FARS2: variants seen among roughly 807,000 people sequenced by gnomAD.
FARS2 encodes phenylalanyl-tRNA synthetase 2, mitochondrial.
In FARS2, 40 loss-of-function variants were observed where a neutral mutation model predicts 46.4. That is an observed-to-expected ratio of 0.86 (90% CI 0.67 to 1.12). The LOEUF (loss-of-function observed/expected upper bound fraction) is 1.12. Ranked by LOEUF, FARS2 falls within the 50% of genes most tolerant of loss-of-function variation. The pLI, the probability that FARS2 is intolerant of heterozygous loss-of-function variation, is 0.00. For synonymous variants in FARS2, 234 were observed against 214.9 expected, an observed-to-expected ratio of 1.09 and a Z score of -0.78; for missense variants, 513 against 567.9, an observed-to-expected ratio of 0.90 and a Z score of 0.98.
At chr6:5,403,709 A>T (rs1761394342) in intron 2 of FARS2, among the ~76,000 whole-genome samples, 1 of 151,996 alleles carries the variant, frequency 6.6e-6, no homozygotes, top group Non-Finnish European at 1.5e-5. Flanking sequence ...CTTTTATTAA[A>T]ACATTTTTTA....
In FARS2 at chr6:5,545,250, C is replaced by A. The variant is rs1243249874; in HGVS notation, c.975C>A (p.Asp325Glu). 6.2e-7 allele frequency: 1 copy of A among 1,614,090 alleles called. No individual in the cohort carries two copies. Among genetic ancestry groups the A allele is most frequent in the Non-Finnish European group, 8.5e-7 (1 of 1,179,918 alleles). The change falls in exon 5 of 7, where the codon GAC becomes GAA. Residue 325 changes from aspartate (D) to glutamate (E), a missense_variant. Asp to Glu is a conservative substitution (Grantham distance 45). Transcript: ENST00000274680. The part of the protein sequence containing the change: ...GLERLAMILY[D>E]IPDIRLFWCE... Reference sequence around the variant, plus strand: ...AAAGGCTAGCCATGATCCTCTACGACATCCCTGATATCCGTCTCTTCTGGT... The same window carrying A: ...AAAGGCTAGCCATGATCCTCTACGAAATCCCTGATATCCGTCTCTTCTGGT...
rs1040916807 is a variant in FARS2, at chr6:5,561,067, GT to G, written c.1065+15729del. ...AGTTGCTTGAACCCAGGTGGTAGAA[GT>G]TGCAGTGAGCCGAGATCATGCCACT... On this transcript the variant is annotated intron_variant, in intron 5 of 6. Transcript: ENST00000274680. 3.9e-5 allele frequency among the ~76,000 whole-genome samples: 6 copies of G among 152,130 alleles called. 1 individual carries two copies. Among genetic ancestry groups the G allele is most frequent in the African/African-American group, 1.4e-4 (6 of 41,384 alleles).
At chr6:5,283,865 A>G (rs1312656188) in intron 1 of FARS2, among the ~76,000 whole-genome samples, 1 of 152,208 alleles carries the variant, frequency 6.6e-6, no homozygotes, top group Non-Finnish European at 1.5e-5. Context: ...CAGCTTTTAC[A>G]AATTGTTTAG....
chr6:5,468,192 C>G (rs558433988), intron 4 of FARS2, among the ~76,000 whole-genome samples: 29 of 152,208 alleles, frequency 1.9e-4, no homozygotes, highest in Admixed American at 7.8e-4. Context: ...TTTGTGTCAG[C>G]AACATCAAAG....
intron 4 of FARS2, among the ~76,000 whole-genome samples, chr6:5,528,989 A>ATTT (rs1464072041): frequency 2.4e-4 from 37 of 152,334 alleles, no homozygotes; most frequent in African/African-American, 8.4e-4. Flanking sequence ...AAATCTGGAA[A>ATTT]TGCCTATCTT....
chr6:5,523,855 C>G (rs1769298825), intron 4 of FARS2, among the ~76,000 whole-genome samples: 1 of 152,184 alleles, frequency 6.6e-6, no homozygotes, highest in African/African-American at 2.4e-5. Context: ...GAGACACATG[C>G]AAAGTTCTCC....
intron 6 of FARS2, 136 bp downstream of exon 6, chr6:5,613,456 C>A: frequency 1.6e-6 from 1 of 623,224 alleles, no homozygotes; most frequent in East Asian, 3.0e-5. Context: ...GAATGTATAG[C>A]TTATCAGAAA....
chr6:5,503,405 C>CACACAG lies in FARS2; in HGVS notation c.905-41774_905-41773insCACAGA, dbSNP rs888782982. On this transcript the variant is annotated intron_variant, in intron 4 of 6. Transcript: ENST00000274680. Reference sequence around the variant, plus strand: ...ACACACACACACACACACACACACACAGAGAGAGAGAGAGAGAGAGAGAGA... The same window carrying CACACAG: ...ACACACACACACACACACACACACACACACAGAGAGAGAGAGAGAGAGAGAGAGAGA... Among the ~76,000 whole-genome samples, 45 of 39,610 alleles carry CACACAG rather than the reference C, an allele frequency of 1.1e-3. 1 individual carries two copies. Among genetic ancestry groups the CACACAG allele is most frequent in the South Asian group, 0.011 (16 of 1,440 alleles). 26.0% of individuals were successfully genotyped at this position (39,610 alleles called of 152,430 possible). A position where few individuals can be genotyped will look rare whatever the true frequency, so the allele number is the denominator to read the frequency against.
At chr6:5,399,890 T>A (rs1761150350) in intron 2 of FARS2, among the ~76,000 whole-genome samples, 1 of 152,146 alleles carries the variant, frequency 6.6e-6, no homozygotes, top group Admixed American at 6.5e-5. Flanking sequence ...TGAGACTTTT[T>A]AAAAAAATAT....
At chr6:5,495,276 A>C (rs193300269) in intron 4 of FARS2, among the ~76,000 whole-genome samples, 6 of 152,324 alleles carry the variant, frequency 3.9e-5, no homozygotes, top group African/African-American at 1.4e-4. Context: ...TAAATTTGTC[A>C]TCATTTTCTG....
chr6:5,596,970 T>C (rs964447552), intron 5 of FARS2, among the ~76,000 whole-genome samples: 1 of 152,154 alleles, frequency 6.6e-6, no homozygotes, highest in African/African-American at 2.4e-5. Context: ...TGACACCCTG[T>C]GGGATAGTTT....
intron 3 of FARS2, among the ~76,000 whole-genome samples, chr6:5,410,364 G>C (rs952093193): frequency 2.0e-5 from 3 of 151,878 alleles, no homozygotes; most frequent in Admixed American, 1.3e-4. Context: ...GTTTCACCAT[G>C]TTGTCCACAC....
chr6:5,568,305 T>G (rs553352892), intron 5 of FARS2, among the ~76,000 whole-genome samples: 30 of 152,292 alleles, frequency 2.0e-4, no homozygotes, highest in African/African-American at 6.5e-4. Flanking sequence ...CTGCTCTTTA[T>G]TAAGATTTTT....
chr6:5,760,776 A>G (rs1204134977), intron 6 of FARS2, among the ~76,000 whole-genome samples: 2 of 152,180 alleles, frequency 1.3e-5, no homozygotes, highest in Non-Finnish European at 1.5e-5. Context: ...TTTCCTCTGT[A>G]CCACTTAACC....
At chr6:5,442,436 T>C (rs975994099) in intron 4 of FARS2, among the ~76,000 whole-genome samples, 2 of 152,122 alleles carry the variant, frequency 1.3e-5, no homozygotes, top group African/African-American at 4.8e-5. Flanking sequence ...CACATTTCTT[T>C]TTTTTGAGTA....
chr6:5,336,612 G>A (rs932743372), intron 1 of FARS2, among the ~76,000 whole-genome samples: 1 of 151,636 alleles, frequency 6.6e-6, no homozygotes, highest in Admixed American at 6.6e-5. Flanking sequence ...TGGAGAATGG[G>A]GTATGCATCC....
At chr6:5,542,181 C>T (rs1037950609) in intron 4 of FARS2, among the ~76,000 whole-genome samples, 1 of 150,056 alleles carries the variant, frequency 6.7e-6, no homozygotes, top group South Asian at 2.1e-4. Flanking sequence ...CCTATCTCAT[C>T]CTGTGACTCA....
intron 1 of FARS2, among the ~76,000 whole-genome samples, chr6:5,271,351 C>T (rs1416971172): frequency 6.6e-6 from 1 of 152,086 alleles, no homozygotes; most frequent in Non-Finnish European, 1.5e-5. Context: ...GTGTCATGTC[C>T]TCATCCATTT....
intron 1 of FARS2, among the ~76,000 whole-genome samples, chr6:5,337,324 T>C (rs1771231526): frequency 6.6e-6 from 1 of 152,048 alleles, no homozygotes; most frequent in Non-Finnish European, 1.5e-5. Context: ...TGTCAATTGT[T>C]TAATCTTTCA....
Sources: allele counts gnomAD v4.1 joint callset (sites outside exome capture counted in the v4.1 genomes callset), GRCh38; gene constraint gnomAD v4.1.1; transcripts MANE v1.5; gene names NCBI Gene and HGNC (gene_info 2026-07-23, HGNC 2026-07-21).